ESRRB: variants seen among roughly 807,000 people sequenced by gnomAD.
The protein encoded by ESRRB is estrogen related receptor beta, also known as steroid hormone receptor ERR2.
Under a neutral mutation model 46.0 loss-of-function variants are expected in ESRRB, and 16 were observed. The observed-to-expected ratio is 0.35, with a 90% CI of 0.24 to 0.53. The LOEUF (loss-of-function observed/expected upper bound fraction) is 0.53, where lower values mean the gene tolerates loss of function less well. Ranked by LOEUF, ESRRB falls within the 20% of genes least tolerant of loss-of-function variation. The pLI is 0.93. For missense variants in ESRRB, 488 were observed against 607.4 expected, an observed-to-expected ratio of 0.80 and a Z score of 2.07; for synonymous variants, 246 against 259.6, an observed-to-expected ratio of 0.95 and a Z score of 0.50.
intron 1 of ESRRB, among the ~76,000 whole-genome samples, chr14:76,346,646 C>A (rs886629749): frequency 6.6e-6 from 1 of 152,196 alleles, no homozygotes; most frequent in African/African-American, 2.4e-5. Flanking sequence ...GGCAGCCCGG[C>A]TGTGCCCAGG....
At position 76,452,272 on chromosome 14, in the gene ESRRB, C is replaced by T. The variant is rs149291113; in HGVS notation, c.461-10273C>T. ...GCAATTTTAACAGTGCAGTTAGGGC[C>T]GTCCAAACCAAGATCAGGGCAAAAG... On this transcript the variant is annotated intron_variant, in intron 2 of 6. Transcript: ENST00000644823. 1.3e-3 allele frequency among the ~76,000 whole-genome samples: 200 copies of T among 152,058 alleles called. 1 individual carries two copies. The highest frequency in any genetic ancestry group is 4.6e-3 in the African/African-American group (189 of 41,480).
chr14:76,453,576 A>T (rs551230891), intron 2 of ESRRB, among the ~76,000 whole-genome samples: 52 of 151,966 alleles, frequency 3.4e-4, no homozygotes, highest in African/African-American at 1.3e-3. Flanking sequence ...TACGGGATCA[A>T]ATCAAATCTG....
At position 76,485,309 on chromosome 14, in the gene ESRRB, C is replaced by T. The variant is rs560001479; in HGVS notation, c.850+2550C>T. Among the ~76,000 whole-genome samples, 27 of 141,568 alleles carry T rather than the reference C, an allele frequency of 1.9e-4. No individual in the cohort carries two copies. The South Asian group carries it at 4.9e-3, about 26-fold the overall frequency. 92.9% of individuals were successfully genotyped at this position (141,568 alleles called of 152,430 possible). On this transcript the variant is annotated intron_variant, in intron 5 of 6. Transcript: ENST00000644823. ...AGGCTGGAGTGCAGTGGTGCGATCT[C>T]GGCTCACTGCAATCTCCTCCCAGGT...
intron 1 of ESRRB, among the ~76,000 whole-genome samples, chr14:76,314,744 T>C (rs12888172): frequency 0.54 from 82,431 of 151,748 alleles, 24,398 homozygotes; most frequent in Middle Eastern, 0.67. Flanking sequence ...GGTCGAGCAA[T>C]GTCAAGGCCA....
chr14:76,462,612 C>T lies in ESRRB; in HGVS notation c.528C>T (p.Cys176=), dbSNP rs1141588. 4 of 1,614,102 alleles carry T rather than the reference C, an allele frequency of 2.5e-6. No homozygotes were observed. The South Asian group carries it at 3.3e-5, about 13-fold the overall frequency. Residue 176 remains cysteine, a synonymous_variant, in exon 3 of 7, where the codon TGC becomes TGT. Transcript: ENST00000644823. ...CEITKRRRKS[C]QACRFMKCLK... is the part of the protein sequence containing the mutation. ...TCACCAAACGGAGGCGCAAGTCCTG[C>T]CAGGCCTGCCGCTTCATGAAATGCC...
chr14:76,383,876 G>C (rs1486047050), intron 1 of ESRRB, among the ~76,000 whole-genome samples: 2 of 152,172 alleles, frequency 1.3e-5, no homozygotes, highest in Middle Eastern at 3.2e-3. Context: ...GCTGTTTACA[G>C]ACAAATTTCA....
Position 76,376,993 on chromosome 14 carries a change from C to T in ESRRB, c.50+542C>T, listed in dbSNP as rs7140374. On this transcript the variant is annotated intron_variant, in intron 1 of 6. Coordinates refer to ENST00000644823, the MANE Select transcript of ESRRB (RefSeq NM_001379180.1). This position sits in a 1 kb window ranked among gnomAD's most constrained non-coding sequence, Gnocchi z 4.1. ...CTCTCGCCTCGCGGTCTCCGTGGGG[C>T]GCCCCGAGGGTGCGCACGTGGCGCG... Among the ~76,000 whole-genome samples, 442 of 152,292 alleles carry T rather than the reference C, an allele frequency of 2.9e-3. 2 individuals carry two copies. Among genetic ancestry groups the T allele is most frequent in the African/African-American group, 0.01 (426 of 41,570 alleles).
intron 1 of ESRRB, among the ~76,000 whole-genome samples, chr14:76,380,546 C>T (rs944714784): frequency 3.9e-5 from 6 of 152,244 alleles, no homozygotes; most frequent in Admixed American, 3.3e-4. Flanking sequence ...CCACACCACA[C>T]CTTGACTGCC....
intron 1 of ESRRB, among the ~76,000 whole-genome samples, chr14:76,356,285 A>G (rs1362492044): frequency 6.6e-6 from 1 of 152,088 alleles, no homozygotes; most frequent in Admixed American, 6.5e-5. Flanking sequence ...TGACTCCTAC[A>G]TTGTGGTGCA....
upstream of ESRRB, among the ~76,000 whole-genome samples, chr14:76,373,622 A>G (rs1884674763): frequency 6.6e-6 from 1 of 152,204 alleles, no homozygotes; most frequent in African/African-American, 2.4e-5. Flanking sequence ...TCATGCCACT[A>G]GGGTGTCCCG....
At chr14:76,474,378 A>G (rs1889490812) in intron 3 of ESRRB, among the ~76,000 whole-genome samples, 1 of 152,250 alleles carries the variant, frequency 6.6e-6, no homozygotes, top group Admixed American at 6.5e-5. Flanking sequence ...CATATTTTTA[A>G]AAAATTTTAA....
chr14:76,408,037 G>T (rs181874564), intron 1 of ESRRB, among the ~76,000 whole-genome samples: 2 of 152,178 alleles, frequency 1.3e-5, no homozygotes, highest in Admixed American at 1.3e-4. Flanking sequence ...TGAGGACACA[G>T]TGTCTGGCTC....
chr14:76,449,889 G>A lies in ESRRB; in HGVS notation c.460+10139G>A, dbSNP rs111305180. Among the ~76,000 whole-genome samples, 563 of 151,500 alleles carry A rather than the reference G, an allele frequency of 3.7e-3. 3 individuals are homozygous for A. Among genetic ancestry groups the A allele is most frequent in the African/African-American group, 0.013 (522 of 41,270 alleles). ...TTCTGCCTCAGCCTTCTGAGGAGCT[G>A]GAATTACAGGCATGCACCACCATGC... On this transcript the variant is annotated intron_variant, in intron 2 of 6. Coordinates refer to ENST00000644823, the MANE Select transcript of ESRRB (RefSeq NM_001379180.1).
At chr14:76,355,075 T>A (rs1008407945) in intron 1 of ESRRB, among the ~76,000 whole-genome samples, 1 of 152,152 alleles carries the variant, frequency 6.6e-6, no homozygotes, top group African/African-American at 2.4e-5. Context: ...TGTTTTATTC[T>A]CTAGGGTCTC....
At chr14:76,329,541 G>T (rs918278559) in intron 1 of ESRRB, among the ~76,000 whole-genome samples, 3 of 152,194 alleles carry the variant, frequency 2.0e-5, no homozygotes, top group Admixed American at 6.5e-5. Flanking sequence ...AAGGTGAAAA[G>T]CTCCATAAAA....
At position 76,482,889 on chromosome 14, in the gene ESRRB, T is replaced by G; in HGVS notation, c.850+130T>G. 9.3e-7 allele frequency: 1 copy of G among 1,080,776 alleles called. No individual in the cohort carries two copies. Among genetic ancestry groups the G allele is most frequent in the South Asian group, 1.3e-5 (1 of 75,916 alleles). The allele number at this position is 1,080,776 out of a possible 1,614,324, so 66.9% of individuals were successfully genotyped here. A position where few individuals can be genotyped will look rare whatever the true frequency, so the allele number is the denominator to read the frequency against. The stretch of plus-strand genomic sequence containing the variant: ...AAGGCCTGTGAAATCCTGGCAGGCC[T>G]GTTTCTCTGAGCTCCTCTTCTCTCC... On this transcript the variant is annotated intron_variant, in intron 5 of 6. Transcript: ENST00000644823. This position sits in a 1 kb window ranked among gnomAD's most constrained non-coding sequence, Gnocchi z 4.3.
At chr14:76,467,463 T>C (rs1455697732) in intron 3 of ESRRB, among the ~76,000 whole-genome samples, 1 of 143,550 alleles carries the variant, frequency 7.0e-6, no homozygotes, top group Non-Finnish European at 1.5e-5. Flanking sequence ...ATTGTGTCAC[T>C]GCATTCCAGC....
In ESRRB at chr14:76,488,041, A is replaced by G. The variant is rs58298486; in HGVS notation, c.851-3406A>G. Among the ~76,000 whole-genome samples the G allele has an allele frequency of 6.8e-4, 104 of 152,336 alleles. 1 individual carries two copies. The highest frequency in any genetic ancestry group is 2.0e-3 in the African/African-American group (85 of 41,574). On this transcript the variant is annotated intron_variant, in intron 5 of 6. Transcript: ENST00000644823. ...CTGACTGGGTTCAGAAGCCAAATGTAGACACAAATGTATGTAACAGAAGTC... is the reference window on the plus strand; with the variant it reads ...CTGACTGGGTTCAGAAGCCAAATGTGGACACAAATGTATGTAACAGAAGTC...
intron 1 of ESRRB, among the ~76,000 whole-genome samples, chr14:76,341,255 C>T (rs59040412): frequency 0.1 from 15,179 of 152,318 alleles, 1,106 homozygotes; most frequent in East Asian, 0.27. Context: ...GTTGCCCAGA[C>T]AGCCCCCAGC....
Sources: gnomAD v4.1 joint callset for allele counts (sites outside exome capture counted in the v4.1 genomes callset) on GRCh38, gnomAD v4.1.1 for gene constraint, Gnocchi (gnomAD v3.1) non-coding constraint, MANE v1.5 for transcripts, NCBI Gene and HGNC (gene_info 2026-07-23, HGNC 2026-07-21) for gene names.